LRRC8B: variants seen among roughly 807,000 people sequenced by gnomAD.
LRRC8B encodes leucine rich repeat containing 8 VRAC subunit B, also known as volume-regulated anion channel subunit LRRC8B.
A neutral mutation model predicts 58.8 loss-of-function variants in LRRC8B; 23 were observed. That is an observed-to-expected ratio of 0.39 (90% CI 0.28 to 0.55). LRRC8B has a LOEUF of 0.55. Ranked by LOEUF, LRRC8B falls within the 20% of genes least tolerant of loss-of-function variation. The probability of loss-of-function intolerance (pLI) is 0.62; values close to 1 mark genes in which losing one functional copy is unlikely to be tolerated. For synonymous variants in LRRC8B, 359 were observed against 374.1 expected, an observed-to-expected ratio of 0.96 and a Z score of 0.47; for missense variants, 694 against 936.0, an observed-to-expected ratio of 0.74 and a Z score of 3.37.
In LRRC8B at chr1:89,597,507, G is replaced by C. The variant is rs1325915617; in HGVS notation, c.*4464G>C. On this transcript the variant is annotated 3_prime_UTR_variant, in exon 6 of 6. Coordinates refer to ENST00000330947, the MANE Select transcript of LRRC8B (RefSeq NM_001369817.2). ...TGTATTTAAATATTAATGTTTACAA[G>C]AAGATTTTTTTTAAATTCTTCAAAT... 6.6e-6 allele frequency: 1 copy of C among 152,172 alleles called. No homozygotes were observed. Among genetic ancestry groups the C allele is most frequent in the Non-Finnish European group, 1.5e-5 (1 of 68,004 alleles). The allele number at this position is 152,172 out of a possible 1,614,324, so 9.4% of individuals were successfully genotyped here.
Position 89,584,058 on chromosome 1 carries a change from G to A in LRRC8B, c.1408G>A (p.Val470Met). ...GCTGGTCAACCTCAAGGAGCTTCGTGTGTACCATTCATCTCTGGTCGTAGA... is the reference window on the plus strand; with the variant it reads ...GCTGGTCAACCTCAAGGAGCTTCGTATGTACCATTCATCTCTGGTCGTAGA... Reference protein sequence around the residue: ...SQLVNLKELRVYHSSLVVDHP... With the variant: ...SQLVNLKELRMYHSSLVVDHP... The change falls in exon 5 of 6, where the codon GTG (valine) becomes ATG (methionine). Residue 470 changes from valine (V) to methionine (M), a missense_variant. Physicochemically the swap from Val to Met is conservative, Grantham distance 21 (BLOSUM62 1). This residue lies in a region of LRRC8B where 162 missense variants were observed against 198.5 expected (regional missense o/e 0.82). Coordinates refer to ENST00000330947, the MANE Select transcript of LRRC8B (RefSeq NM_001369817.2). 1 of 1,614,148 alleles carries A rather than the reference G, an allele frequency of 6.2e-7. No individual in the cohort carries two copies. Among genetic ancestry groups the A allele is most frequent in the Non-Finnish European group, 8.5e-7 (1 of 1,180,026 alleles).
intron 1 of LRRC8B, among the ~76,000 whole-genome samples, chr1:89,553,680 C>T (rs986716630): frequency 3.9e-5 from 6 of 152,106 alleles, no homozygotes; most frequent in African/African-American, 1.4e-4. Flanking sequence ...TTACTTTGTC[C>T]ATTTGCATCA....
intron 1 of LRRC8B, among the ~76,000 whole-genome samples, chr1:89,529,538 T>G (rs915489133): frequency 1.3e-5 from 2 of 152,098 alleles, no homozygotes; most frequent in Non-Finnish European, 2.9e-5. Flanking sequence ...CCATTAGAAT[T>G]GAAAGAAAAA....
chr1:89,596,102 G>C lies in LRRC8B; in HGVS notation c.*3059G>C, dbSNP rs1210820611. ...GGAGGTTGTAGATTAAATTAAGTATGATAGCACGTTTTTTAATTCATTAAT... is the reference window on the plus strand; with the variant it reads ...GGAGGTTGTAGATTAAATTAAGTATCATAGCACGTTTTTTAATTCATTAAT... On this transcript the variant is annotated 3_prime_UTR_variant, in exon 6 of 6. Coordinates refer to ENST00000330947, the MANE Select transcript of LRRC8B (RefSeq NM_001369817.2). 1 of 151,778 alleles carries C rather than the reference G, an allele frequency of 6.6e-6. No homozygotes were observed. Among genetic ancestry groups the C allele is most frequent in the Non-Finnish European group, 1.5e-5 (1 of 67,908 alleles). The allele number at this position is 151,778 out of a possible 1,614,324, so 9.4% of individuals were successfully genotyped here.
At chr1:89,530,381 T>TAAATAAATAATA (rs1553153226) in intron 1 of LRRC8B, among the ~76,000 whole-genome samples, 18 of 147,508 alleles carry the variant, frequency 1.2e-4, no homozygotes, top group Non-Finnish European at 2.2e-4. Context: ...AATAAATAAA[T>TAAATAAATAATA]AATAAATAAA....
chr1:89,583,590 G>T lies in LRRC8B; in HGVS notation c.940G>T (p.Val314Phe). Residue 314 changes from valine (V) to phenylalanine (F), a missense_variant, in exon 5 of 6, where the codon GTC becomes TTC. Coordinates refer to ENST00000330947, the MANE Select transcript of LRRC8B (RefSeq NM_001369817.2). This position sits in a 1 kb window ranked among gnomAD's most constrained non-coding sequence, Gnocchi z 5.2. ...CTATTCCTTGGCAGAAATCTTTAAG[G>T]TCCTGGCTTCATTTTATGTCATTTT... ...CVYSLAEIFK[V>F]LASFYVILVI... 1 of 1,611,164 alleles carries T rather than the reference G, an allele frequency of 6.2e-7. No individual in the cohort carries two copies. Among genetic ancestry groups the T allele is most frequent in the Non-Finnish European group, 8.5e-7 (1 of 1,180,008 alleles).
At chr1:89,531,803 G>A (rs544642143) in intron 1 of LRRC8B, among the ~76,000 whole-genome samples, 1 of 152,262 alleles carries the variant, frequency 6.6e-6, no homozygotes, top group African/African-American at 2.4e-5. Flanking sequence ...ATATTTTGGG[G>A]TGCAATATTT....
intron 1 of LRRC8B, among the ~76,000 whole-genome samples, chr1:89,564,834 A>C (rs1652931601): frequency 1.3e-5 from 2 of 152,192 alleles, no homozygotes; most frequent in South Asian, 4.1e-4. Flanking sequence ...GTTTGTTTTA[A>C]ACATCTTTTG....
At chr1:89,575,236 C>G (rs188149084) in intron 3 of LRRC8B, among the ~76,000 whole-genome samples, 5 of 152,304 alleles carry the variant, frequency 3.3e-5, no homozygotes, top group Admixed American at 2.6e-4. Context: ...TCTGGACTGG[C>G]CTTGTGACTC....
chr1:89,590,122 A>G (rs983303532), intron 5 of LRRC8B, among the ~76,000 whole-genome samples: 9 of 152,162 alleles, frequency 5.9e-5, no homozygotes, highest in African/African-American at 2.2e-4. Context: ...TGGTTTTTTT[A>G]GAAGAAATCA....
chr1:89,529,785 C>A (rs1357467025), intron 1 of LRRC8B, among the ~76,000 whole-genome samples: 1 of 151,998 alleles, frequency 6.6e-6, no homozygotes, highest in African/African-American at 2.4e-5. Flanking sequence ...AAGCCTTAAC[C>A]TTCCTCAGCC....
In LRRC8B at chr1:89,594,348, G is replaced by A. The variant is rs1655177270; in HGVS notation, c.*1305G>A. 6.6e-6 allele frequency: 1 copy of A among 152,164 alleles called. No homozygotes were observed. The highest frequency in any genetic ancestry group is 1.5e-5 in the Non-Finnish European group (1 of 68,030). The allele number at this position is 152,164 out of a possible 1,614,324, so 9.4% of individuals were successfully genotyped here. A position where few individuals can be genotyped will look rare whatever the true frequency, so the allele number is the denominator to read the frequency against. ...CCCTAAAGTATTTGGGGGTTTCCTT[G>A]TGAGAGGGTGGCCGAATCATCTACC... On this transcript the variant is annotated 3_prime_UTR_variant, in exon 6 of 6. Coordinates refer to ENST00000330947, the MANE Select transcript of LRRC8B (RefSeq NM_001369817.2).
At chr1:89,535,978 G>A (rs548536815) in intron 1 of LRRC8B, among the ~76,000 whole-genome samples, 13 of 152,146 alleles carry the variant, frequency 8.5e-5, no homozygotes, top group South Asian at 4.1e-4. Flanking sequence ...TACTGAGTTC[G>A]GAGCCTTTCC....
At chr1:89,535,447 G>A (rs1487637128) in intron 1 of LRRC8B, among the ~76,000 whole-genome samples, 1 of 152,162 alleles carries the variant, frequency 6.6e-6, no homozygotes, top group African/African-American at 2.4e-5. Flanking sequence ...AGACTGAGGT[G>A]GAAGGATGCA....
intron 1 of LRRC8B, among the ~76,000 whole-genome samples, chr1:89,565,807 G>T (rs754047858): frequency 6.6e-6 from 1 of 152,138 alleles, no homozygotes; most frequent in African/African-American, 2.4e-5. Context: ...CTCTGGGCAG[G>T]CTAAGGATTT....
intron 1 of LRRC8B, among the ~76,000 whole-genome samples, chr1:89,539,006 G>A (rs576059930): frequency 1.3e-5 from 2 of 152,160 alleles, no homozygotes; most frequent in Non-Finnish European, 2.9e-5. Context: ...ACAGGTGTGA[G>A]CCACCGCACC....
rs61714771 is a variant in LRRC8B, at chr1:89,541,710, C to CAAAAA, written c.-241+16723_-241+16727dup. 2.5e-3 allele frequency among the ~76,000 whole-genome samples: 107 copies of CAAAAA among 42,230 alleles called. 24 individuals carry two copies. Among genetic ancestry groups the CAAAAA allele is most frequent in the African/African-American group, 9.0e-3 (83 of 9,222 alleles). The allele number at this position is 42,230 out of a possible 152,430, so 27.7% of individuals were successfully genotyped here. On this transcript the variant is annotated intron_variant, in intron 1 of 5. Coordinates refer to ENST00000330947, the MANE Select transcript of LRRC8B (RefSeq NM_001369817.2). ...TGGGCGACAGAGGGAGACTCCGTCTCAAAAAAAAAAAAAAAAAAAAAAAAA... is the reference window on the plus strand; with the variant it reads ...TGGGCGACAGAGGGAGACTCCGTCTCAAAAAAAAAAAAAAAAAAAAAAAAAAAAAA...
chr1:89,584,092 C>CA lies in LRRC8B; in HGVS notation c.1443dup (p.Leu482ThrfsTer17). The CA allele has an allele frequency of 6.2e-7, 1 of 1,614,066 alleles. No homozygotes were observed. The highest frequency in any genetic ancestry group is 8.5e-7 in the Non-Finnish European group (1 of 1,180,040). ...TCATCTCTGGTCGTAGACCATCCTG[C>CA]ACTGGCCTTTCTAGAGGAGAATTTA... is the stretch of plus-strand genomic sequence containing the variant. On this transcript the variant is annotated frameshift_variant, in exon 5 of 6. Coordinates refer to ENST00000330947, the MANE Select transcript of LRRC8B (RefSeq NM_001369817.2). LOFTEE classifies it high-confidence loss of function.
At chr1:89,569,711 CT>C (rs990638134) in intron 3 of LRRC8B, among the ~76,000 whole-genome samples, 6 of 151,742 alleles carry the variant, frequency 4.0e-5, no homozygotes, top group Middle Eastern at 6.8e-3. Flanking sequence ...TTTTCTTTAT[CT>C]TTTTTTTAAC....
Sources: allele counts gnomAD v4.1 joint callset (sites outside exome capture counted in the v4.1 genomes callset), GRCh38; gene constraint gnomAD v4.1.1; regional missense constraint gnomAD v4.1.1; non-coding constraint Gnocchi (gnomAD v3.1); transcripts MANE v1.5; gene names NCBI Gene and HGNC (gene_info 2026-07-23, HGNC 2026-07-21).